The following CLIC5 variants were observed in gnomAD, a reference collection of about 807,000 sequenced individuals.
CLIC5 encodes chloride intracellular channel protein 5.
Under a neutral mutation model 24.7 loss-of-function variants are expected in CLIC5, and 20 were observed. The ratio of observed to expected loss-of-function variants is 0.81; its 90% CI spans 0.57 to 1.18. The LOEUF is 1.18. Among genes scored for constraint, CLIC5 ranks in the 50% most tolerant of loss-of-function variants. CLIC5 has a pLI of 0.00. For synonymous variants in CLIC5, 159 were observed against 135.6 expected (o/e 1.17, Z -1.20); for missense variants, 341 against 326.1 (o/e 1.05, Z -0.35).
rs1351981094 is a variant in CLIC5, at chr6:45,970,195, C to A, written c.64-14951G>T. Among the ~76,000 whole-genome samples the A allele has an allele frequency of 4.6e-5, 7 of 152,160 alleles. No homozygotes were observed. In the South Asian group the frequency reaches 1.0e-3, roughly 23 times the overall value. On this transcript the variant is annotated intron_variant, in intron 1 of 5. Transcript: ENST00000339561. ...AAGTGCCCCTGTCATGTGGGCCCAC[C>A]CAACTAATTTCTTCTGAGCCCCTAT...
chr6:46,033,693 A>G (rs1444956304), intron 1 of CLIC5, among the ~76,000 whole-genome samples: 1 of 152,212 alleles, frequency 6.6e-6, no homozygotes, highest in Non-Finnish European at 1.5e-5. Context: ...GGGAATTAAC[A>G]TCACTTTGTT....
At chr6:46,057,433 G>C (rs1768291252) in intron 1 of CLIC5, among the ~76,000 whole-genome samples, 1 of 152,160 alleles carries the variant, frequency 6.6e-6, no homozygotes, top group African/African-American at 2.4e-5. Flanking sequence ...GGAACTGTAA[G>C]TCCAATTAAA....
At chr6:45,975,233 G>A (rs139354348) in intron 1 of CLIC5, among the ~76,000 whole-genome samples, 59 of 152,168 alleles carry the variant, frequency 3.9e-4, no homozygotes, top group African/African-American at 9.4e-4. Flanking sequence ...CTCAGGGGTC[G>A]GCCTGACCTG....
chr6:46,038,858 A>G (rs551257798), intron 1 of CLIC5, among the ~76,000 whole-genome samples: 2 of 152,370 alleles, frequency 1.3e-5, no homozygotes, highest in South Asian at 4.1e-4. Flanking sequence ...TGTTGTAGTT[A>G]GAGCAAAAGC....
intron 5 of CLIC5, chr6:45,912,707 G>T: frequency 6.5e-7 from 1 of 1,535,488 alleles, no homozygotes; most frequent in South Asian, 1.2e-5. Context: ...GACTGAGCTG[G>T]AATTATATCA....
chr6:46,085,906 GT>G, the CLIC5 span, among the ~76,000 whole-genome samples: 2 of 152,238 alleles, frequency 1.3e-5, no homozygotes, highest in African/African-American at 4.8e-5. Context: ...CCCAGTTCAA[GT>G]TTCCCGGCTG....
the CLIC5 span, among the ~76,000 whole-genome samples, chr6:46,108,192 A>C: frequency 6.6e-6 from 1 of 152,126 alleles, no homozygotes; most frequent in African/African-American, 2.4e-5. Flanking sequence ...GGTTTTATTA[A>C]AATTATTGTT....
chr6:46,058,503 A>C (rs1420800187), intron 1 of CLIC5, among the ~76,000 whole-genome samples: 1 of 152,252 alleles, frequency 6.6e-6, no homozygotes, highest in Non-Finnish European at 1.5e-5. Context: ...CTACTCCTCC[A>C]TGATTCATTT....
intron 1 of CLIC5, among the ~76,000 whole-genome samples, chr6:46,039,244 A>G (rs896014365): frequency 3.9e-5 from 6 of 152,278 alleles, no homozygotes; most frequent in African/African-American, 1.2e-4. Context: ...TATTTTTTCT[A>G]AAGGGATTGG....
chr6:46,019,839 T>C (rs1767126865), upstream of CLIC5, among the ~76,000 whole-genome samples: 1 of 150,932 alleles, frequency 6.6e-6, no homozygotes, highest in South Asian at 2.1e-4. Context: ...ATAATAATAA[T>C]AATAATAACA....
At chr6:46,063,578 T>C (rs1001466334) in intron 1 of CLIC5, among the ~76,000 whole-genome samples, 3 of 152,182 alleles carry the variant, frequency 2.0e-5, no homozygotes, top group Admixed American at 6.5e-5. Flanking sequence ...ACTCTTGAGA[T>C]GTGCAGAGGA....
intron 4 of CLIC5, among the ~76,000 whole-genome samples, chr6:45,924,667 G>C (rs1219183140): frequency 1.3e-5 from 2 of 152,046 alleles, no homozygotes; most frequent in African/African-American, 4.8e-5. Context: ...TCACCAGAGA[G>C]AGAAAAAATA....
At chr6:46,065,666 G>T (rs536255396) in intron 1 of CLIC5, among the ~76,000 whole-genome samples, 1 of 152,156 alleles carries the variant, frequency 6.6e-6, no homozygotes, top group East Asian at 1.9e-4. Flanking sequence ...ACACACAAAA[G>T]ATTACACAGA....
the CLIC5 span, among the ~76,000 whole-genome samples, chr6:46,119,881 G>T: frequency 6.6e-6 from 1 of 152,214 alleles, no homozygotes; most frequent in African/African-American, 2.4e-5. Context: ...CAGCGAGGGT[G>T]GGGGAGGGGT....
chr6:45,999,528 A>T (rs1766271443), intron 1 of CLIC5, among the ~76,000 whole-genome samples: 1 of 152,124 alleles, frequency 6.6e-6, no homozygotes, highest in African/African-American at 2.4e-5. Context: ...GCAAAACACA[A>T]GTTTGAACTG....
At chr6:46,099,703 GT>G in the CLIC5 span, among the ~76,000 whole-genome samples, 3 of 152,144 alleles carry the variant, frequency 2.0e-5, no homozygotes, top group Admixed American at 1.3e-4. Context: ...TAGTAAAATA[GT>G]TTTTTAAATT....
chr6:46,002,840 T>C (rs1214486932), intron 1 of CLIC5, among the ~76,000 whole-genome samples: 2 of 152,234 alleles, frequency 1.3e-5, no homozygotes, highest in Non-Finnish European at 2.9e-5. Flanking sequence ...GATCTGACCT[T>C]GACCTTGGAC....
Position 45,973,190 on chromosome 6 carries a change from C to T in CLIC5, c.64-17946G>A, listed in dbSNP as rs189891674. Among the ~76,000 whole-genome samples, 299 of 152,364 alleles carry T rather than the reference C, an allele frequency of 2.0e-3. 1 individual carries two copies. The highest frequency in any genetic ancestry group is 2.9e-3 in the Non-Finnish European group (194 of 68,040). ...CTGCACCCCCTGAAGTTACCTGCCTCTTTGCCTGTGGGACCAGTCAGATGT... is the reference window on the plus strand; with the variant it reads ...CTGCACCCCCTGAAGTTACCTGCCTTTTTGCCTGTGGGACCAGTCAGATGT... On this transcript the variant is annotated intron_variant, in intron 1 of 5. Transcript: ENST00000339561.
intron 5 of CLIC5, among the ~76,000 whole-genome samples, chr6:45,909,245 A>ATGTC (rs1762747936): frequency 6.6e-6 from 1 of 152,100 alleles, no homozygotes; most frequent in Admixed American, 6.5e-5. Context: ...TTGCCACTCT[A>ATGTC]TGTCTTTCAA....
Sources: gnomAD v4.1 joint callset for allele counts (sites outside exome capture counted in the v4.1 genomes callset) on GRCh38, gnomAD v4.1.1 for gene constraint, MANE v1.5 for transcripts, NCBI Gene and HGNC (gene_info 2026-07-23, HGNC 2026-07-21) for gene names.